Variants in BRIP1 observed in about 807,000 individuals in gnomAD.
BRIP1 encodes the protein BRCA1 interacting DNA helicase 1.
A neutral mutation model predicts 119.7 loss-of-function variants in BRIP1; 88 were observed. The ratio of observed to expected loss-of-function variants is 0.74; its 90% CI spans 0.62 to 0.88. The LOEUF is 0.88. BRIP1 is among the 40% of genes least tolerant of loss of function. The pLI, the probability that BRIP1 is intolerant of heterozygous loss-of-function variation, is 0.00. For synonymous variants in BRIP1, 443 were observed against 496.5 expected, an observed-to-expected ratio of 0.89 and a Z score of 1.43; for missense variants, 1,259 against 1,455.4, an observed-to-expected ratio of 0.87 and a Z score of 2.20.
At chr17:61,838,545 A>AT (rs2078609664) in intron 6 of BRIP1, among the ~76,000 whole-genome samples, 1 of 113,382 alleles carries the variant, frequency 8.8e-6, no homozygotes, top group Non-Finnish European at 1.8e-5. Flanking sequence ...CTCCCTCTCA[A>AT]AAAATAAATA....
Position 61,744,382 on chromosome 17 carries a change from T to C in BRIP1, c.2257+50A>G. ...TAAAATTATAATTGTACCTTCTTACTTTGTAATAAAAAATATTTTTTCACC... is the reference window on the plus strand; with the variant it reads ...TAAAATTATAATTGTACCTTCTTACCTTGTAATAAAAAATATTTTTTCACC... On this transcript the variant is annotated intron_variant, in intron 15 of 19. Transcript: ENST00000259008. This position sits in a 1 kb window ranked among gnomAD's most constrained non-coding sequence, Gnocchi z 5.0. 1 of 1,569,662 alleles carries C rather than the reference T, an allele frequency of 6.4e-7. No individual in the cohort carries two copies. The highest frequency in any genetic ancestry group is 1.1e-5 in the South Asian group (1 of 89,730).
rs1368567730 is a variant in BRIP1, at chr17:61,860,809, A to G, written c.93+638T>C. Among the ~76,000 whole-genome samples, 4 of 152,244 alleles carry G rather than the reference A, an allele frequency of 2.6e-5. No individual in the cohort carries two copies. Among genetic ancestry groups the G allele is most frequent in the African/African-American group, 9.6e-5 (4 of 41,472 alleles). Reference sequence around the variant, plus strand: ...ATTTATACAACAATTAAAATGGATTAAGAATCAACAGGGCTATACATTAAA... The same window carrying G: ...ATTTATACAACAATTAAAATGGATTGAGAATCAACAGGGCTATACATTAAA... On this transcript the variant is annotated intron_variant, in intron 2 of 19. Coordinates refer to ENST00000259008, the MANE Select transcript of BRIP1 (RefSeq NM_032043.3). This position sits in a 1 kb window ranked among gnomAD's most constrained non-coding sequence, Gnocchi z 4.1.
rs1226821953 is a variant in BRIP1, at chr17:61,804,658, A to G, written c.919-3184T>C. The stretch of plus-strand genomic sequence containing the variant: ...CTCAGCCTCCCAGAGTGCTGGCATT[A>G]CAGGCATGAGCATCATGCCCGGCCA... On this transcript the variant is annotated intron_variant, in intron 7 of 19. Transcript: ENST00000259008. The surrounding 1 kb of genome is among the most constrained non-coding windows in gnomAD (Gnocchi z 4.5). Among the ~76,000 whole-genome samples, 3 of 152,082 alleles carry G rather than the reference A, an allele frequency of 2.0e-5. No individual in the cohort carries two copies. Among genetic ancestry groups the G allele is most frequent in the Non-Finnish European group, 4.4e-5 (3 of 68,020 alleles).
At position 61,734,948 on chromosome 17, in the gene BRIP1, G is replaced by A. The variant is rs547142978; in HGVS notation, c.2379+8065C>T. Among the ~76,000 whole-genome samples, 2 of 152,008 alleles carry A rather than the reference G, an allele frequency of 1.3e-5. No homozygotes were observed. The highest frequency in any genetic ancestry group is 2.9e-5 in the Non-Finnish European group (2 of 67,984). ...AATAGACAAAATAATGCAGAAATAGGTTGTTTCGTTTCTATAAGGTAGAAC... is the reference window on the plus strand; with the variant it reads ...AATAGACAAAATAATGCAGAAATAGATTGTTTCGTTTCTATAAGGTAGAAC... On this transcript the variant is annotated intron_variant, in intron 16 of 19. Coordinates refer to ENST00000259008, the MANE Select transcript of BRIP1 (RefSeq NM_032043.3). The surrounding 1 kb of genome is among the most constrained non-coding windows in gnomAD (Gnocchi z 5.2).
Position 61,776,399 on chromosome 17 carries a change from A to G in BRIP1, c.2097+2T>C, listed in dbSNP as rs2077532634. On this transcript the variant is annotated splice_donor_variant, in intron 14 of 19. Coordinates refer to ENST00000259008, the MANE Select transcript of BRIP1 (RefSeq NM_032043.3). LOFTEE classifies it high-confidence loss of function. This position sits in a 1 kb window ranked among gnomAD's most constrained non-coding sequence, Gnocchi z 5.0. ...CAAAAGAAACAATAAATATTCCCTT[A>G]CCTTGTAAGATGGCAAGAAACACAA... The G allele has an allele frequency of 2.5e-6, 4 of 1,614,076 alleles. No individual in the cohort carries two copies. The highest frequency in any genetic ancestry group is 3.4e-6 in the Non-Finnish European group (4 of 1,179,912).
rs1276529045 is a variant in BRIP1 at position 61,743,849 on chromosome 17, G to C, written c.2257+583C>G. The stretch of plus-strand genomic sequence containing the variant: ...ACTATAGGCACATGCACCACACCCT[G>C]CTAATGTTTGTACTTTTTGTAGAGA... On this transcript the variant is annotated intron_variant, in intron 15 of 19. Coordinates refer to ENST00000259008, the MANE Select transcript of BRIP1 (RefSeq NM_032043.3). This position sits in a 1 kb window ranked among gnomAD's most constrained non-coding sequence, Gnocchi z 4.3. Among the ~76,000 whole-genome samples the C allele has an allele frequency of 2.0e-5, 3 of 151,900 alleles. No individual in the cohort carries two copies. The highest frequency in any genetic ancestry group is 4.4e-5 in the Non-Finnish European group (3 of 68,006).
chr17:61,859,260 A>T (rs2078941157), intron 3 of BRIP1, among the ~76,000 whole-genome samples: 1 of 152,170 alleles, frequency 6.6e-6, no homozygotes, highest in African/African-American at 2.4e-5. Flanking sequence ...AAAAGCAATT[A>T]GTATGTGTTA....
intron 10 of BRIP1, among the ~76,000 whole-genome samples, chr17:61,787,895 C>T (rs566703824): frequency 1.1e-4 from 16 of 152,278 alleles, no homozygotes; most frequent in South Asian, 1.0e-3. Flanking sequence ...CTGCCCGCCT[C>T]GGCCTCCCAA....
In BRIP1 at chr17:61,822,446, T is replaced by A. The variant is rs143554534; in HGVS notation, c.628-13689A>T. Among the ~76,000 whole-genome samples, 1 of 152,168 alleles carries A rather than the reference T, an allele frequency of 6.6e-6. No homozygotes were observed. The highest frequency in any genetic ancestry group is 1.5e-5 in the Non-Finnish European group (1 of 68,028). On this transcript the variant is annotated intron_variant, in intron 6 of 19. Coordinates refer to ENST00000259008, the MANE Select transcript of BRIP1 (RefSeq NM_032043.3). This position sits in a 1 kb window ranked among gnomAD's most constrained non-coding sequence, Gnocchi z 4.4. ...TTTTTGTCGTACTAATAGATCCAGT[T>A]ATGTGCCCTCTGGGAAAAATGCACC...
rs1254491493 is a variant in BRIP1, at chr17:61,810,453, T to G, written c.628-1696A>C. 1.3e-5 allele frequency among the ~76,000 whole-genome samples: 2 copies of G among 152,172 alleles called. No homozygotes were observed. Among genetic ancestry groups the G allele is most frequent in the Non-Finnish European group, 2.9e-5 (2 of 68,028 alleles). On this transcript the variant is annotated intron_variant, in intron 6 of 19. Coordinates refer to ENST00000259008, the MANE Select transcript of BRIP1 (RefSeq NM_032043.3). The surrounding 1 kb of genome is among the most constrained non-coding windows in gnomAD (Gnocchi z 4.7). ...TACAAAAAGAATTAAGGTAACTCAA[T>G]TAGAATTAATTTACTTTTTCATACC...
In BRIP1 at chr17:61,855,861, T is replaced by C. The variant is rs553130340; in HGVS notation, c.379+1197A>G. 5.3e-5 allele frequency among the ~76,000 whole-genome samples: 8 copies of C among 152,082 alleles called. No individual in the cohort carries two copies. The Middle Eastern group carries it at 0.014, about 259-fold the overall frequency. On this transcript the variant is annotated intron_variant, in intron 4 of 19. Transcript: ENST00000259008. ...CAAGGAAGCAGAGATTAATAAAAGA[T>C]TTAGACAGACACATATAATACAAAC...
intron 4 of BRIP1, among the ~76,000 whole-genome samples, chr17:61,854,072 T>G (rs1015078299): frequency 1.3e-5 from 2 of 151,978 alleles, no homozygotes; most frequent in East Asian, 1.9e-4. Context: ...GCCCAGGGGT[T>G]CAAGACAAGC....
chr17:61,708,046 C>T lies in BRIP1; in HGVS notation c.2492+7905G>A, dbSNP rs991060698. Among the ~76,000 whole-genome samples the T allele has an allele frequency of 1.3e-5, 2 of 152,006 alleles. No individual in the cohort carries two copies. Among genetic ancestry groups the T allele is most frequent in the Non-Finnish European group, 2.9e-5 (2 of 68,010 alleles). ...ATTTTTAGTAGAGATGGGGTTTCAC[C>T]ATGTTGGCCAGGCTGGTCTCAAACT... On this transcript the variant is annotated intron_variant, in intron 17 of 19. Transcript: ENST00000259008. The surrounding 1 kb of genome is among the most constrained non-coding windows in gnomAD (Gnocchi z 4.4).
chr17:61,795,731 C>A lies in BRIP1; in HGVS notation c.1341-2002G>T, dbSNP rs1414197723. Among the ~76,000 whole-genome samples the A allele has an allele frequency of 6.6e-6, 1 of 151,938 alleles. No individual in the cohort carries two copies. Among genetic ancestry groups the A allele is most frequent in the Non-Finnish European group, 1.5e-5 (1 of 67,934 alleles). ...CAGCAAACATGGGAGTATAGCTATACCTTTGATATACTGATTTCCTTTATT... is the reference window on the plus strand; with the variant it reads ...CAGCAAACATGGGAGTATAGCTATAACTTTGATATACTGATTTCCTTTATT... On this transcript the variant is annotated intron_variant, in intron 9 of 19. Transcript: ENST00000259008. The surrounding 1 kb of genome is among the most constrained non-coding windows in gnomAD (Gnocchi z 5.6).
rs76895044 is a variant in BRIP1, at chr17:61,823,850, C to T, written c.628-15093G>A. ...AAAAATAGAATTTTTTTTTTTGAGA[C>T]GGAGTTTCGCAGTTGTTGCCCAAAG... On this transcript the variant is annotated intron_variant, in intron 6 of 19. Transcript: ENST00000259008. This position sits in a 1 kb window ranked among gnomAD's most constrained non-coding sequence, Gnocchi z 4.8. 3.7e-3 allele frequency among the ~76,000 whole-genome samples: 551 copies of T among 150,224 alleles called. 3 individuals carry two copies. The highest frequency in any genetic ancestry group is 7.3e-3 in the South Asian group (35 of 4,772).
chr17:61,798,275 G>T lies in BRIP1; in HGVS notation c.1340+825C>A, dbSNP rs1028112086. Reference sequence around the variant, plus strand: ...AGGTCTCCAAAATACACTGGGAATTGAAAAAAGCAAGTTGCAGAAAAATGT... The same window carrying T: ...AGGTCTCCAAAATACACTGGGAATTTAAAAAAGCAAGTTGCAGAAAAATGT... On this transcript the variant is annotated intron_variant, in intron 9 of 19. Coordinates refer to ENST00000259008, the MANE Select transcript of BRIP1 (RefSeq NM_032043.3). This position sits in a 1 kb window ranked among gnomAD's most constrained non-coding sequence, Gnocchi z 5.5. Among the ~76,000 whole-genome samples the T allele has an allele frequency of 6.6e-6, 1 of 151,692 alleles. No homozygotes were observed. Among genetic ancestry groups the T allele is most frequent in the Non-Finnish European group, 1.5e-5 (1 of 67,810 alleles).
rs1412562967 is a variant in BRIP1 at position 61,805,919 on chromosome 17, T to C, written c.918+2548A>G. On this transcript the variant is annotated intron_variant, in intron 7 of 19. Coordinates refer to ENST00000259008, the MANE Select transcript of BRIP1 (RefSeq NM_032043.3). The surrounding 1 kb of genome is among the most constrained non-coding windows in gnomAD (Gnocchi z 5.6). ...AAAAAGATATATATCTAAAATAATA[T>C]TTCAGAATTGTCATTCCTGACTCTA... Among the ~76,000 whole-genome samples the C allele has an allele frequency of 6.6e-6, 1 of 152,222 alleles. No homozygotes were observed. The highest frequency in any genetic ancestry group is 2.4e-5 in the African/African-American group (1 of 41,462).
intron 14 of BRIP1, among the ~76,000 whole-genome samples, chr17:61,765,403 A>ATATATATATG (rs2077348147): frequency 8.0e-5 from 1 of 12,440 alleles, no homozygotes; most frequent in African/African-American, 3.1e-4. Context: ...ATATATATAT[A>ATATATATATG]TATATATATA....
Position 61,703,311 on chromosome 17 carries a change from G to A in BRIP1, c.2493-9799C>T, listed in dbSNP as rs896918510. Among the ~76,000 whole-genome samples, 6 of 152,218 alleles carry A rather than the reference G, an allele frequency of 3.9e-5. No individual in the cohort carries two copies. The highest frequency in any genetic ancestry group is 6.8e-3 in the Middle Eastern group (2 of 294). ...ACTCCTGACCTCAAGTGACCTGCCC[G>A]CCTTGACCTCCCAGTGCTGAGATTA... On this transcript the variant is annotated intron_variant, in intron 17 of 19. Transcript: ENST00000259008. This position sits in a 1 kb window ranked among gnomAD's most constrained non-coding sequence, Gnocchi z 5.0.
Sources: gnomAD v4.1 joint callset for allele counts (sites outside exome capture counted in the v4.1 genomes callset) on GRCh38, gnomAD v4.1.1 for gene constraint, Gnocchi (gnomAD v3.1) non-coding constraint, MANE v1.5 for transcripts, NCBI Gene and HGNC (gene_info 2026-07-23, HGNC 2026-07-21) for gene names.